RARS2: variants seen among roughly 807,000 people sequenced by gnomAD.
RARS2 encodes the protein probable arginine--tRNA ligase, mitochondrial.
In RARS2, 67 loss-of-function variants were observed where a neutral mutation model predicts 88.5. That is an observed-to-expected ratio of 0.76 (90% CI 0.62 to 0.93). The LOEUF (loss-of-function observed/expected upper bound fraction) is 0.93. Among genes scored for constraint, RARS2 ranks in the 40% least tolerant of loss-of-function variants. The pLI is 0.00. For synonymous variants in RARS2, 239 were observed against 230.3 expected (o/e 1.04, Z -0.34); for missense variants, 664 against 684.2 (o/e 0.97, Z 0.33).
At position 87,528,132 on chromosome 6, in the gene RARS2, A is replaced by G. The variant is rs185654373; in HGVS notation, c.878+1410T>C. 2.0e-3 allele frequency among the ~76,000 whole-genome samples: 302 copies of G among 152,286 alleles called. 3 individuals carry two copies. Among genetic ancestry groups the G allele is most frequent in the Middle Eastern group, 0.014 (4 of 294 alleles). ...TCCAAGGAAGGCATACAAAAGGCTA[A>G]CAAGTATATGAAAAGGTGCTGAACA... On this transcript the variant is annotated intron_variant, in intron 10 of 19. Coordinates refer to ENST00000369536, the MANE Select transcript of RARS2 (RefSeq NM_020320.5).
chr6:87,559,463 CAAA>C (rs753856335), intron 4 of RARS2, among the ~76,000 whole-genome samples: 4,231 of 93,096 alleles, frequency 0.045, 80 homozygotes, highest in Non-Finnish European at 0.053. Context: ...AACTCTGTCT[CAAA>C]AAAAAAAAAA....
chr6:87,544,425 T>C (rs1781965179), intron 7 of RARS2, among the ~76,000 whole-genome samples: 1 of 152,202 alleles, frequency 6.6e-6, no homozygotes, highest in Non-Finnish European at 1.5e-5. Context: ...GGAACATGCC[T>C]AGTAGGGCAG....
intron 10 of RARS2, among the ~76,000 whole-genome samples, 153 bp downstream of exon 10, chr6:87,529,389 C>T (rs921087395): frequency 5.9e-5 from 9 of 152,114 alleles, no homozygotes; most frequent in Non-Finnish European, 2.9e-5. Context: ...AAGCAAAATA[C>T]AGAATGTGGG....
chr6:87,589,464 T>C (rs1446856304), intron 1 of RARS2, among the ~76,000 whole-genome samples: 1 of 152,226 alleles, frequency 6.6e-6, no homozygotes, highest in Admixed American at 6.5e-5. Context: ...ATAGCTCTTA[T>C]ATCTTTGGGC....
At chr6:87,562,342 T>C (rs1788098108) in intron 4 of RARS2, among the ~76,000 whole-genome samples, 1 of 152,196 alleles carries the variant, frequency 6.6e-6, no homozygotes, top group African/African-American at 2.4e-5. Context: ...AACTGTATCA[T>C]AATAGTGTCT....
intron 17 of RARS2, 72 bp downstream of exon 17, chr6:87,518,097 T>C: frequency 6.2e-7 from 1 of 1,613,274 alleles, no homozygotes; most frequent in Non-Finnish European, 8.5e-7. Context: ...TTGACTCTAC[T>C]GGGCAGCAAA....
At position 87,515,023 on chromosome 6, in the gene RARS2, G is replaced by A; in HGVS notation, c.1587-3C>T. 3.1e-6 allele frequency: 5 copies of A among 1,609,728 alleles called. No individual in the cohort carries two copies. The highest frequency in any genetic ancestry group is 4.3e-6 in the Non-Finnish European group (5 of 1,176,040). On this transcript the variant is annotated splice_region_variant and splice_polypyrimidine_tract_variant and intron_variant, in intron 18 of 19. Coordinates refer to ENST00000369536, the MANE Select transcript of RARS2 (RefSeq NM_020320.5). The stretch of plus-strand genomic sequence containing the variant: ...TGTGTGCCACAGCTGCAAGATGACT[G>A]AAACAGGAAGAGAGAAATCACGATA...
rs577360923 is a variant in RARS2, at chr6:87,585,388, C to G, written c.36+4534G>C. ...TGTCATCATAGAAGCAAACAAGGGA[C>G]TAAGAGAACTAGAGGACACACTTTT... On this transcript the variant is annotated intron_variant, in intron 1 of 19. Transcript: ENST00000369536. 7.2e-5 allele frequency among the ~76,000 whole-genome samples: 11 copies of G among 152,260 alleles called. No individual in the cohort carries two copies. The East Asian group carries it at 2.1e-3, about 29-fold the overall frequency.
chr6:87,545,661 G>C lies in RARS2; in HGVS notation c.490C>G (p.Gln164Glu). 1 of 1,613,548 alleles carries C rather than the reference G, an allele frequency of 6.2e-7. No homozygotes were observed. Among genetic ancestry groups the C allele is most frequent in the Non-Finnish European group, 8.5e-7 (1 of 1,179,834 alleles). ...IANLKEALGHQVIRINYLGDW... is the reference protein window; with the variant it reads ...IANLKEALGHEVIRINYLGDW... Reference sequence around the variant, plus strand: ...CCAAGGTAATTTATTCTTATTACTTGATGTCCTAAAGCTTCTTTGAGATTT... The same window carrying C: ...CCAAGGTAATTTATTCTTATTACTTCATGTCCTAAAGCTTCTTTGAGATTT... The change falls in exon 7 of 20, where the codon CAA (glutamine) becomes GAA (glutamate). Residue 164 changes from glutamine to glutamate, a missense_variant. Transcript: ENST00000369536.
At chr6:87,545,488 A>AGG (rs1782344509) in intron 7 of RARS2, 128 bp downstream of exon 7, 1 of 1,063,646 alleles carries the variant, frequency 9.4e-7, no homozygotes, top group Non-Finnish European at 1.3e-6. Flanking sequence ...CATTAGGGAA[A>AGG]AAAAAAAAAA....
chr6:87,569,582 T>G lies in RARS2; in HGVS notation c.45A>C (p.Arg15Ser). ...AGTTTTCTGGTGGAAGATTCAACACTCTGGAAAGCTAAAAATCAAAAAGAA... is the reference window on the plus strand; with the variant it reads ...AGTTTTCTGGTGGAAGATTCAACACGCTGGAAAGCTAAAAATCAAAAAGAA... Reference protein sequence around the residue: ...FRRAIACQLSRVLNLPPENLI... With the variant: ...FRRAIACQLSSVLNLPPENLI... The change falls in exon 2 of 20, where the codon AGA becomes AGC. Residue 15 changes from arginine to serine, a missense_variant. Coordinates refer to ENST00000369536, the MANE Select transcript of RARS2 (RefSeq NM_020320.5). The G allele has an allele frequency of 1.2e-6, 2 of 1,605,798 alleles. No individual in the cohort carries two copies. The highest frequency in any genetic ancestry group is 1.7e-6 in the Non-Finnish European group (2 of 1,172,670).
chr6:87,576,272 TTC>T (rs1212608262), intron 1 of RARS2, among the ~76,000 whole-genome samples: 3 of 92,072 alleles, frequency 3.3e-5, no homozygotes, highest in South Asian at 3.5e-4. Context: ...AAACACAAAT[TTC>T]TTTTTTTTTT....
intron 10 of RARS2, among the ~76,000 whole-genome samples, chr6:87,526,185 A>T (rs1317044551): frequency 6.6e-6 from 1 of 152,194 alleles, no homozygotes; most frequent in Non-Finnish European, 1.5e-5. Flanking sequence ...TGGAACCACA[A>T]AAAACCTCCA....
chr6:87,563,152 T>C (rs1336551470), intron 3 of RARS2, among the ~76,000 whole-genome samples: 1 of 152,212 alleles, frequency 6.6e-6, no homozygotes, highest in Non-Finnish European at 1.5e-5. Context: ...AACATGACAT[T>C]CTGTCAGGGT....
At chr6:87,526,486 A>C (rs1471113009) in intron 10 of RARS2, among the ~76,000 whole-genome samples, 1 of 151,128 alleles carries the variant, frequency 6.6e-6, no homozygotes, top group Non-Finnish European at 1.5e-5. Flanking sequence ...AATGCACTAC[A>C]GCCTGGATAA....
intron 1 of RARS2, among the ~76,000 whole-genome samples, chr6:87,580,546 G>A (rs570565841): frequency 2.0e-5 from 3 of 151,260 alleles, no homozygotes; most frequent in Admixed American, 6.6e-5. Context: ...AGGTTGAGGC[G>A]GGTGGATTAC....
rs201150141 is a variant in RARS2 at position 87,589,959 on chromosome 6, T to C, written c.-2A>G. The C allele has an allele frequency of 7.4e-6, 12 of 1,614,090 alleles. No individual in the cohort carries two copies. Among genetic ancestry groups the C allele is most frequent in the East Asian group, 2.2e-5 (1 of 44,896 alleles). On this transcript the variant is annotated 5_prime_UTR_variant, in exon 1 of 20. Coordinates refer to ENST00000369536, the MANE Select transcript of RARS2 (RefSeq NM_020320.5). ...AGCGCGGCGAAAGCCGCACGCCATG[T>C]CCACCTCTACGGAAGTGCGCCGCAG...
At chr6:87,581,883 G>A (rs544231491) in intron 1 of RARS2, among the ~76,000 whole-genome samples, 1 of 152,260 alleles carries the variant, frequency 6.6e-6, no homozygotes, top group Admixed American at 6.5e-5. Flanking sequence ...TTAGTTTGCT[G>A]AGAATAATGG....
chr6:87,529,206 T>C (rs1776679063), intron 10 of RARS2, among the ~76,000 whole-genome samples: 1 of 152,232 alleles, frequency 6.6e-6, no homozygotes, highest in Non-Finnish European at 1.5e-5. Context: ...GGGATTTCTT[T>C]TAAAAGGTAA....
Sources: gnomAD v4.1 joint callset for allele counts (sites outside exome capture counted in the v4.1 genomes callset) on GRCh38, gnomAD v4.1.1 for gene constraint, MANE v1.5 for transcripts, NCBI Gene and HGNC (gene_info 2026-07-23, HGNC 2026-07-21) for gene names.